The following THRB variants were observed in gnomAD, a reference collection of about 807,000 sequenced individuals.
THRB encodes the protein thyroid hormone receptor beta.
A neutral mutation model predicts 47.8 loss-of-function variants in THRB; 12 were observed. That is an observed-to-expected ratio of 0.25 (90% CI 0.16 to 0.41). The LOEUF is 0.41. Ranked by LOEUF, THRB falls within the 10% of genes least tolerant of loss-of-function variation. THRB has a pLI of 1.00. For synonymous variants in THRB, 218 were observed against 212.2 expected (o/e 1.03, Z -0.24); for missense variants, 348 against 589.2 (o/e 0.59, Z 4.24).
At chr3:24,183,475 C>A (rs2042185776) in intron 5 of THRB, among the ~76,000 whole-genome samples, 1 of 149,456 alleles carries the variant, frequency 6.7e-6, no homozygotes, top group South Asian at 2.1e-4. Flanking sequence ...CCAAGCGCTT[C>A]TCCTGCCTCG....
intron 2 of THRB, among the ~76,000 whole-genome samples, chr3:24,319,834 GA>G (rs2058365362): frequency 6.6e-6 from 1 of 152,158 alleles, no homozygotes; most frequent in Non-Finnish European, 1.5e-5. Flanking sequence ...CTTGTTCAGG[GA>G]AAAAGATCAG....
intron 2 of THRB, among the ~76,000 whole-genome samples, chr3:24,326,978 T>C (rs976113308): frequency 9.9e-5 from 15 of 151,980 alleles, no homozygotes; most frequent in Non-Finnish European, 2.1e-4. Flanking sequence ...TTGGCCAGGC[T>C]AGTCTCAAAC....
chr3:24,271,532 A>G (rs1287162248), intron 3 of THRB, among the ~76,000 whole-genome samples: 1 of 152,176 alleles, frequency 6.6e-6, no homozygotes, highest in Non-Finnish European at 1.5e-5. Context: ...TTGATCAGGG[A>G]TGAACAGAGT....
chr3:24,275,052 G>T (rs2053762339), intron 3 of THRB, among the ~76,000 whole-genome samples: 2 of 152,106 alleles, frequency 1.3e-5, no homozygotes, highest in Non-Finnish European at 2.9e-5. Flanking sequence ...AAGCAAGTAA[G>T]CTTAGTTCTT....
At chr3:24,421,603 C>T (rs973660053) in intron 1 of THRB, among the ~76,000 whole-genome samples, 1 of 151,830 alleles carries the variant, frequency 6.6e-6, no homozygotes, top group Non-Finnish European at 1.5e-5. Flanking sequence ...TTCCACAGGA[C>T]GTGCCACCCA....
chr3:24,248,187 A>AC (rs2050297706), intron 3 of THRB, among the ~76,000 whole-genome samples: 1 of 152,062 alleles, frequency 6.6e-6, no homozygotes, highest in Admixed American at 6.6e-5. Context: ...ATAAGAATGG[A>AC]CCCTAACAGT....
intron 5 of THRB, among the ~76,000 whole-genome samples, chr3:24,163,419 T>C (rs1392209727): frequency 1.3e-5 from 2 of 152,138 alleles, no homozygotes; most frequent in African/African-American, 4.8e-5. Context: ...TATTCCCCAG[T>C]GTTGGTTGAA....
intron 3 of THRB, among the ~76,000 whole-genome samples, chr3:24,265,327 ACTGAT>A (rs2052538744): frequency 6.6e-6 from 1 of 152,230 alleles, no homozygotes; most frequent in Non-Finnish European, 1.5e-5. Context: ...GCCAAAGGGC[ACTGAT>A]CAAGACATTA....
At chr3:24,484,926 T>C (rs1697066961) in intron 1 of THRB, among the ~76,000 whole-genome samples, 1 of 152,236 alleles carries the variant, frequency 6.6e-6, no homozygotes, top group South Asian at 2.1e-4. Context: ...AATATTTTTA[T>C]TCTTAATTAG....
chr3:24,326,426 G>A (rs1028159565), intron 2 of THRB, among the ~76,000 whole-genome samples: 26 of 151,986 alleles, frequency 1.7e-4, no homozygotes, highest in African/African-American at 6.3e-4. Context: ...AGTAGAGATG[G>A]GGTTTCACTA....
At chr3:24,491,892 A>G (rs1376445736) in intron 1 of THRB, among the ~76,000 whole-genome samples, 1 of 152,270 alleles carries the variant, frequency 6.6e-6, no homozygotes, top group Non-Finnish European at 1.5e-5. Flanking sequence ...GCTGCTGAGG[A>G]TTTCCATGTA....
At chr3:24,133,622 A>G (rs779650036) in intron 8 of THRB, among the ~76,000 whole-genome samples, 160 bp from the exon 9 acceptor site, 1 of 152,172 alleles carries the variant, frequency 6.6e-6, no homozygotes. Flanking sequence ...CACATCTTTG[A>G]GTAAAGATAT....
intron 1 of THRB, among the ~76,000 whole-genome samples, chr3:24,393,906 T>G (rs2066762339): frequency 6.6e-6 from 1 of 152,144 alleles, no homozygotes; most frequent in Non-Finnish European, 1.5e-5. Flanking sequence ...AAATGAGGTT[T>G]GAAACTGGGG....
chr3:24,389,966 T>C (rs559587849), intron 1 of THRB, among the ~76,000 whole-genome samples: 2 of 152,212 alleles, frequency 1.3e-5, no homozygotes, highest in South Asian at 4.1e-4. Flanking sequence ...CCAATGACAG[T>C]ATAAAAATGT....
chr3:24,135,840 T>TAA (rs2034568247), intron 8 of THRB, among the ~76,000 whole-genome samples: 1 of 121,850 alleles, frequency 8.2e-6, no homozygotes, highest in Non-Finnish European at 1.7e-5. Context: ...TATATATATA[T>TAA]ATATATAATA....
At chr3:24,317,492 T>C (rs550149982) in intron 2 of THRB, among the ~76,000 whole-genome samples, 1 of 152,082 alleles carries the variant, frequency 6.6e-6, no homozygotes, top group South Asian at 2.1e-4. Context: ...GCCTTACTCC[T>C]CCAATAAAAA....
At chr3:24,262,801 C>T (rs191981311) in intron 3 of THRB, among the ~76,000 whole-genome samples, 1 of 152,280 alleles carries the variant, frequency 6.6e-6, no homozygotes, top group Admixed American at 6.5e-5. Context: ...TGCCTATTTT[C>T]CCCTACCCCC....
intron 3 of THRB, among the ~76,000 whole-genome samples, chr3:24,280,718 T>C (rs1239563462): frequency 6.6e-6 from 1 of 151,900 alleles, no homozygotes; most frequent in East Asian, 1.9e-4. Context: ...ATAACTAGAA[T>C]AACCAATACA....
intron 1 of THRB, among the ~76,000 whole-genome samples, chr3:24,392,619 G>A (rs1291252137): frequency 1.3e-5 from 2 of 152,118 alleles, no homozygotes; most frequent in Non-Finnish European, 2.9e-5. Flanking sequence ...ATAAAGCCAA[G>A]TCCTACACTT....
Sources: gnomAD v4.1 joint callset for allele counts (sites outside exome capture counted in the v4.1 genomes callset) on GRCh38, gnomAD v4.1.1 for gene constraint, MANE v1.5 for transcripts, NCBI Gene and HGNC (gene_info 2026-07-23, HGNC 2026-07-21) for gene names.